MRC1: variants seen among roughly 807,000 people sequenced by gnomAD.
MRC1 encodes the protein mannose receptor C-type 1.
MRC1 carries 62 observed loss-of-function variants against 102.9 expected under a neutral mutation model. That is an observed-to-expected ratio of 0.60 (90% CI 0.49 to 0.74). The LOEUF (loss-of-function observed/expected upper bound fraction) is 0.74. Ranked by LOEUF, MRC1 falls within the 30% of genes least tolerant of loss-of-function variation. The probability of loss-of-function intolerance (pLI) is 0.00; values close to 1 mark genes in which losing one functional copy is unlikely to be tolerated. For missense variants in MRC1, 1,237 were observed against 862.8 expected (o/e 1.43, Z -5.43); for synonymous variants, 457 against 298.4 (o/e 1.53, Z -5.48).
At chr10:17,819,012 A>G (rs1838353813) in intron 1 of MRC1, among the ~76,000 whole-genome samples, 1 of 152,180 alleles carries the variant, frequency 6.6e-6, no homozygotes. Flanking sequence ...TTTCCTGGGT[A>G]CAGTGGTTCC....
chr10:17,819,923 C>T (rs999886470), intron 1 of MRC1, among the ~76,000 whole-genome samples: 32 of 152,080 alleles, frequency 2.1e-4, no homozygotes, highest in African/African-American at 6.5e-4. Context: ...CCAGCTTGGG[C>T]GACAGAGCAA....
chr10:17,867,297 T>C (rs1447854036), intron 12 of MRC1, among the ~76,000 whole-genome samples: 1 of 140,064 alleles, frequency 7.1e-6, no homozygotes, highest in Non-Finnish European at 1.6e-5. Flanking sequence ...CTTTCTTCGT[T>C]CCTTCTTCCT....
At position 17,823,482 on chromosome 10, in the gene MRC1, T is replaced by C; in HGVS notation, c.463+7T>C. ...TGCTCCAGAGGTTATGAAGGTAAGATGCCTGGAATTTTCACCTTCGTGTTG... is the reference window on the plus strand; with the variant it reads ...TGCTCCAGAGGTTATGAAGGTAAGACGCCTGGAATTTTCACCTTCGTGTTG... On this transcript the variant is annotated splice_region_variant and intron_variant, in intron 2 of 29. Transcript: ENST00000569591. 1 of 780,574 alleles carries C rather than the reference T, an allele frequency of 1.3e-6. No homozygotes were observed. Among genetic ancestry groups the C allele is most frequent in the South Asian group, 1.3e-5 (1 of 74,452 alleles). 48.4% of individuals were successfully genotyped at this position (780,574 alleles called of 1,614,324 possible).
At chr10:17,867,940 A>G (rs1833300019) in intron 12 of MRC1, among the ~76,000 whole-genome samples, 1 of 152,352 alleles carries the variant, frequency 6.6e-6, no homozygotes, top group South Asian at 2.1e-4. Flanking sequence ...GTTGGGGCAC[A>G]TGGCTTTTCA....
chr10:17,817,945 A>T (rs1050645257), intron 1 of MRC1, among the ~76,000 whole-genome samples: 2 of 152,224 alleles, frequency 1.3e-5, no homozygotes, highest in Non-Finnish European at 2.9e-5. Flanking sequence ...CATGCTGATT[A>T]CTTGGGGAGA....
At chr10:17,836,663 C>G (rs559721103) in intron 4 of MRC1, among the ~76,000 whole-genome samples, 1 of 151,938 alleles carries the variant, frequency 6.6e-6, no homozygotes, top group South Asian at 2.1e-4. Flanking sequence ...GGTGAAATCC[C>G]ATCTCTACTA....
chr10:17,881,811 A>G (rs1833522880), intron 21 of MRC1, among the ~76,000 whole-genome samples: 1 of 141,504 alleles, frequency 7.1e-6, no homozygotes, highest in Non-Finnish European at 1.5e-5. Context: ...CTGGGCCACA[A>G]TGCTCGCCTA....
intron 25 of MRC1, among the ~76,000 whole-genome samples, chr10:17,901,701 A>T (rs1243394251): frequency 6.6e-6 from 1 of 152,040 alleles, no homozygotes; most frequent in Non-Finnish European, 1.5e-5. Context: ...AAAAAAAAAA[A>T]ATTATCTTTG....
intron 8 of MRC1, among the ~76,000 whole-genome samples, chr10:17,854,424 A>C (rs1833046838): frequency 6.6e-6 from 1 of 152,194 alleles, no homozygotes; most frequent in South Asian, 2.1e-4. Flanking sequence ...ATTAGGTGTT[A>C]ACTATCCAAA....
chr10:17,832,357 C>T lies in MRC1; in HGVS notation c.638-1318C>T, dbSNP rs1445970683. Among the ~76,000 whole-genome samples, 7 of 150,838 alleles carry T rather than the reference C, an allele frequency of 4.6e-5. No homozygotes were observed. The South Asian group carries it at 1.2e-3, about 27-fold the overall frequency. On this transcript the variant is annotated intron_variant, in intron 3 of 29. Transcript: ENST00000569591. ...GGATCACAAGGTCAGGAGATCGAGA[C>T]CATCCTGGCTAACACCTTGAAACCC...
chr10:17,846,284 G>A (rs1838824950), intron 6 of MRC1, among the ~76,000 whole-genome samples: 1 of 152,058 alleles, frequency 6.6e-6, no homozygotes, highest in Non-Finnish European at 1.5e-5. Context: ...AATTTTATAG[G>A]AGAATAAACT....
chr10:17,833,941 A>T lies in MRC1; in HGVS notation c.802+102A>T, dbSNP rs995391109. On this transcript the variant is annotated intron_variant, in intron 4 of 29. Coordinates refer to ENST00000569591, the MANE Select transcript of MRC1 (RefSeq NM_002438.4). ...AAGTGTTTATAGATGTTATGACAGA[A>T]GCAATTCTTAAGCAGTTTATGTGGA... 5 of 698,238 alleles carry T rather than the reference A, an allele frequency of 7.2e-6. No homozygotes were observed. The African/African-American group carries it at 8.9e-5, about 12-fold the overall frequency. 43.3% of individuals were successfully genotyped at this position (698,238 alleles called of 1,614,324 possible).
intron 1 of MRC1, among the ~76,000 whole-genome samples, chr10:17,810,055 A>G (rs1554837346): frequency 6.8e-6 from 1 of 146,386 alleles, no homozygotes; most frequent in African/African-American, 2.4e-5. Flanking sequence ...TCATTCAGAC[A>G]CTTGATTGTT....
intron 11 of MRC1, among the ~76,000 whole-genome samples, chr10:17,864,827 CAAAAAAA>C (rs34931364): frequency 3.7e-5 from 3 of 80,540 alleles, no homozygotes; most frequent in African/African-American, 9.6e-5. Flanking sequence ...AAAACTCCAT[CAAAAAAA>C]AAAAAAAAAA....
intron 5 of MRC1, among the ~76,000 whole-genome samples, chr10:17,842,056 T>C (rs1011311018): frequency 6.6e-4 from 101 of 152,322 alleles, no homozygotes; most frequent in African/African-American, 2.4e-3. Flanking sequence ...TCAGCCTTCC[T>C]GGCTCAAGTC....
At chr10:17,865,817 A>G (rs887883032) in intron 11 of MRC1, among the ~76,000 whole-genome samples, 1 of 152,208 alleles carries the variant, frequency 6.6e-6, no homozygotes, top group African/African-American at 2.4e-5. Context: ...ATATTCTAAA[A>G]AAGGTGTACC....
chr10:17,910,543 GTTTTC>G lies in MRC1; in HGVS notation c.*82_*86del. The G allele has an allele frequency of 1.3e-6, 1 of 778,984 alleles. No homozygotes were observed. Among genetic ancestry groups the G allele is most frequent in the Non-Finnish European group, 2.4e-6 (1 of 417,212 alleles). The allele number at this position is 778,984 out of a possible 1,614,324, so 48.3% of individuals were successfully genotyped here. ...TTAAAATTTTTAGTTCAATGTGATT[GTTTTC>G]TTTAAAATGAGTACTGAATTGTACT... is the stretch of plus-strand genomic sequence containing the variant. On this transcript the variant is annotated 3_prime_UTR_variant, in exon 30 of 30. Coordinates refer to ENST00000569591, the MANE Select transcript of MRC1 (RefSeq NM_002438.4).
intron 1 of MRC1, among the ~76,000 whole-genome samples, chr10:17,820,530 A>G (rs530434517): frequency 0.02 from 3,096 of 152,338 alleles, 46 homozygotes; most frequent in South Asian, 0.071. Flanking sequence ...CTGGTTGCCA[A>G]TCAGTTAATT....
chr10:17,851,987 C>A (rs1294018983), intron 7 of MRC1, among the ~76,000 whole-genome samples: 1 of 152,306 alleles, frequency 6.6e-6, no homozygotes, highest in East Asian at 1.9e-4. Context: ...TTTTATTATA[C>A]CACTAAATGA....
Sources: allele counts gnomAD v4.1 joint callset (sites outside exome capture counted in the v4.1 genomes callset), GRCh38; gene constraint gnomAD v4.1.1; transcripts MANE v1.5; gene names NCBI Gene and HGNC (gene_info 2026-07-23, HGNC 2026-07-21).